Variants in PAPPA observed in about 807,000 individuals in gnomAD.
PAPPA encodes the protein pappalysin 1, also known as pappalysin-1.
Under a neutral mutation model 164.0 loss-of-function variants are expected in PAPPA, and 60 were observed. The observed-to-expected ratio is 0.37, with a 90% CI of 0.30 to 0.45. PAPPA has a LOEUF of 0.45. Ranked by LOEUF, PAPPA falls within the 20% of genes least tolerant of loss-of-function variation. The pLI, the probability that PAPPA is intolerant of heterozygous loss-of-function variation, is 1.00. For missense variants in PAPPA, 1,782 were observed against 2,087.3 expected (o/e 0.85, Z 2.85); for synonymous variants, 875 against 814.1 (o/e 1.07, Z -1.27).
chr9:116,208,688 C>T (rs765295555), intron 3 of PAPPA, among the ~76,000 whole-genome samples: 8 of 152,198 alleles, frequency 5.3e-5, no homozygotes, highest in Admixed American at 3.9e-4. Context: ...AAACAGAGTC[C>T]AGTAGCTTCT....
chr9:116,267,721 A>G (rs1286954179), intron 8 of PAPPA, among the ~76,000 whole-genome samples: 1 of 151,834 alleles, frequency 6.6e-6, no homozygotes, highest in East Asian at 1.9e-4. Flanking sequence ...AAAAAATACA[A>G]AAAATTAGCC....
At chr9:116,320,686 C>T (rs1252684327) in intron 10 of PAPPA, among the ~76,000 whole-genome samples, 4 of 152,086 alleles carry the variant, frequency 2.6e-5, no homozygotes, top group Admixed American at 2.6e-4. Flanking sequence ...GAAAGCCTGG[C>T]TCCCCCCTCT....
At position 116,347,199 on chromosome 9, in the gene PAPPA, A is replaced by G. The variant is rs1130784; in HGVS notation, c.3954A>G (p.Ala1318=). ...GTTCCTTCCAGTGCCGTCACCCTGC[A>G]CAATTGAAAGGTATCAAGAACGCCT... ...SQCSFQCRHP[A]QLKGNNSLLT... The change falls in exon 15 of 22, where the codon GCA becomes GCG. Residue 1318 remains alanine, a synonymous_variant. Transcript: ENST00000328252. The surrounding 1 kb of genome is among the most constrained non-coding windows in gnomAD (Gnocchi z 4.5). 3 of 1,610,632 alleles carry G rather than the reference A, an allele frequency of 1.9e-6. No homozygotes were observed. In the South Asian group the frequency reaches 3.3e-5, roughly 18 times the overall value.
intron 21 of PAPPA, among the ~76,000 whole-genome samples, chr9:116,389,273 C>G (rs1334241293): frequency 1.3e-5 from 2 of 151,918 alleles, no homozygotes; most frequent in Non-Finnish European, 2.9e-5. Flanking sequence ...GCTGGGATTA[C>G]AGGCACACAC....
chr9:116,306,675 G>A (rs1402863564), intron 10 of PAPPA, among the ~76,000 whole-genome samples: 1 of 152,156 alleles, frequency 6.6e-6, no homozygotes, highest in African/African-American at 2.4e-5. Flanking sequence ...TCAGAACCTG[G>A]TTTGGTTTAA....
chr9:116,222,722 C>T (rs559488400), intron 5 of PAPPA, among the ~76,000 whole-genome samples: 6 of 152,004 alleles, frequency 3.9e-5, no homozygotes, highest in Non-Finnish European at 8.8e-5. Flanking sequence ...CGATGTTGAT[C>T]AAAGGGCATA....
At chr9:116,354,246 AGG>A (rs1412274880) in intron 17 of PAPPA, among the ~76,000 whole-genome samples, 6 of 152,224 alleles carry the variant, frequency 3.9e-5, no homozygotes, top group African/African-American at 1.4e-4. Flanking sequence ...AGAAGGAGCA[AGG>A]TTTGAATTTT....
In PAPPA at chr9:116,334,841, C is replaced by T; in HGVS notation, c.3398-20C>T. On this transcript the variant is annotated intron_variant, in intron 12 of 21. Transcript: ENST00000328252. The stretch of plus-strand genomic sequence containing the variant: ...TGAGTAATGAGCCTGGCCCCTCGGC[C>T]CCTCTGTCTCCCCTGACAGGCCTCC... 1 of 1,597,376 alleles carries T rather than the reference C, an allele frequency of 6.3e-7. No individual in the cohort carries two copies. The highest frequency in any genetic ancestry group is 8.6e-7 in the Non-Finnish European group (1 of 1,164,934).
intron 1 of PAPPA, among the ~76,000 whole-genome samples, chr9:116,159,887 A>G (rs1843647925): frequency 1.3e-5 from 2 of 152,224 alleles, no homozygotes; most frequent in Admixed American, 6.5e-5. Flanking sequence ...GTTGAGGACC[A>G]GGGTCACACA....
intron 6 of PAPPA, among the ~76,000 whole-genome samples, chr9:116,229,598 A>G (rs1323423221): frequency 6.6e-6 from 1 of 152,236 alleles, no homozygotes; most frequent in East Asian, 1.9e-4. Context: ...GACAGATGAG[A>G]TAGATAATGG....
chr9:116,184,285 G>A (rs1181625644), intron 1 of PAPPA, among the ~76,000 whole-genome samples: 2 of 152,254 alleles, frequency 1.3e-5, no homozygotes, highest in South Asian at 2.1e-4. Flanking sequence ...AGGAGTCAGT[G>A]GGGAGGCAGC....
intron 19 of PAPPA, among the ~76,000 whole-genome samples, chr9:116,371,349 G>T (rs528968208): frequency 6.6e-6 from 1 of 152,138 alleles, no homozygotes; most frequent in African/African-American, 2.4e-5. Context: ...CCCAGGAGGC[G>T]GAGGTTGCAG....
chr9:116,171,837 C>T (rs916351207), intron 1 of PAPPA, among the ~76,000 whole-genome samples: 1 of 152,202 alleles, frequency 6.6e-6, no homozygotes, highest in African/African-American at 2.4e-5. Context: ...GAGTTGCTTG[C>T]AGACAGCAAG....
At chr9:116,368,312 G>A (rs960263742) in intron 19 of PAPPA, among the ~76,000 whole-genome samples, 1 of 152,242 alleles carries the variant, frequency 6.6e-6, no homozygotes, top group Non-Finnish European at 1.5e-5. Context: ...CCGGTGCTTA[G>A]CACGAAGACT....
intron 4 of PAPPA, among the ~76,000 whole-genome samples, chr9:116,213,161 G>C (rs535161654): frequency 2.0e-5 from 3 of 152,274 alleles, no homozygotes; most frequent in African/African-American, 7.2e-5. Context: ...TCTCATTCCT[G>C]CTAAAGCCAG....
rs3747827 is a variant in PAPPA at position 116,362,786 on chromosome 9, A to G, written c.4495+47A>G. ...AGCAGTAGGAGGGGCAATTCCTTCC[A>G]GCAATGCAGGGCTAATGCCTGGGTG... On this transcript the variant is annotated intron_variant, in intron 18 of 21. Coordinates refer to ENST00000328252, the MANE Select transcript of PAPPA (RefSeq NM_002581.5). 2.5e-6 allele frequency: 4 copies of G among 1,585,914 alleles called. No homozygotes were observed. The African/African-American group carries it at 5.4e-5, about 21-fold the overall frequency.
At chr9:116,292,162 G>A (rs892169221) in intron 9 of PAPPA, among the ~76,000 whole-genome samples, 1 of 152,214 alleles carries the variant, frequency 6.6e-6, no homozygotes. Context: ...AACAGAAGAT[G>A]GAGGGATAAA....
chr9:116,250,204 T>G (rs2118777904), intron 7 of PAPPA, among the ~76,000 whole-genome samples: 1 of 152,254 alleles, frequency 6.6e-6, no homozygotes, highest in Non-Finnish European at 1.5e-5. Flanking sequence ...GGCTCAGGCT[T>G]TGTTTTCTAC....
At chr9:116,323,568 A>G (rs891725486) in intron 10 of PAPPA, among the ~76,000 whole-genome samples, 2 of 152,026 alleles carry the variant, frequency 1.3e-5, no homozygotes, top group Non-Finnish European at 2.9e-5. Context: ...AGAGAGAGAG[A>G]GAAAAAAAAC....
Sources: gnomAD v4.1 joint callset for allele counts (sites outside exome capture counted in the v4.1 genomes callset) on GRCh38, gnomAD v4.1.1 for gene constraint, Gnocchi (gnomAD v3.1) non-coding constraint, MANE v1.5 for transcripts, NCBI Gene and HGNC (gene_info 2026-07-23, HGNC 2026-07-21) for gene names.